NRXN2: variants seen among roughly 807,000 people sequenced by gnomAD.
NRXN2 encodes neurexin-2-beta.
A neutral mutation model predicts 128.8 loss-of-function variants in NRXN2; 29 were observed. The ratio of observed to expected loss-of-function variants is 0.23; its 90% CI spans 0.17 to 0.31. The LOEUF is 0.31. NRXN2 is among the 10% of genes least tolerant of loss of function. NRXN2 has a pLI of 1.00. For synonymous variants in NRXN2, 1,098 were observed against 1,075.2 expected, an observed-to-expected ratio of 1.02 and a Z score of -0.41; for missense variants, 1,881 against 2,452.6, an observed-to-expected ratio of 0.77 and a Z score of 4.92.
At chr11:64,612,402 G>A (rs1186553536) in intron 22 of NRXN2, among the ~76,000 whole-genome samples, 1 of 152,190 alleles carries the variant, frequency 6.6e-6, no homozygotes, top group South Asian at 2.1e-4. Flanking sequence ...CCCAACTTCA[G>A]GCAGCTGCAG....
At chr11:64,653,653 C>T in intron 12 of NRXN2, 43 bp downstream of exon 12, 1 of 1,573,548 alleles carries the variant, frequency 6.4e-7, no homozygotes, top group Non-Finnish European at 8.6e-7. Context: ...TCCAGCATCC[C>T]AGTCCCCTTG....
At chr11:64,715,839 A>C (rs1455202242) in intron 1 of NRXN2, among the ~76,000 whole-genome samples, 1 of 152,176 alleles carries the variant, frequency 6.6e-6, no homozygotes, top group Non-Finnish European at 1.5e-5. Context: ...GCCTCTCCTC[A>C]TTGGGTAATG....
chr11:64,688,055 G>A (rs1419070384), intron 5 of NRXN2, among the ~76,000 whole-genome samples: 2 of 152,216 alleles, frequency 1.3e-5, no homozygotes, highest in East Asian at 1.9e-4. Flanking sequence ...TATCATTAAA[G>A]AGAGTCAAAC....
intron 2 of NRXN2, among the ~76,000 whole-genome samples, chr11:64,705,111 A>G (rs1805450488): frequency 1.3e-5 from 2 of 152,192 alleles, no homozygotes; most frequent in African/African-American, 4.8e-5. Flanking sequence ...CTCAGCACAC[A>G]CTAGCTTAAG....
chr11:64,718,270 CCT>C (rs1055134334), intron 1 of NRXN2, among the ~76,000 whole-genome samples: 1 of 152,144 alleles, frequency 6.6e-6, no homozygotes, highest in African/African-American at 2.4e-5. Flanking sequence ...CACACAGCCC[CCT>C]CTCTGTCAAT....
At chr11:64,621,319 C>T (rs1249585503) in intron 21 of NRXN2, among the ~76,000 whole-genome samples, 1 of 152,196 alleles carries the variant, frequency 6.6e-6, no homozygotes, top group East Asian at 1.9e-4. Context: ...GATGATCTGC[C>T]CATCACCCTC....
chr11:64,655,055 C>T (rs924057253), intron 11 of NRXN2, among the ~76,000 whole-genome samples: 2 of 152,224 alleles, frequency 1.3e-5, no homozygotes, highest in African/African-American at 4.8e-5. Flanking sequence ...TGTCGCTCCA[C>T]CCCAAATAGG....
chr11:64,666,466 T>G (rs1300673185), intron 9 of NRXN2, among the ~76,000 whole-genome samples: 1 of 152,104 alleles, frequency 6.6e-6, no homozygotes, highest in Non-Finnish European at 1.5e-5. Context: ...CCTCCCAAAG[T>G]GCTGGAATTA....
intron 6 of NRXN2, among the ~76,000 whole-genome samples, chr11:64,679,411 G>A (rs1297603728): frequency 6.6e-6 from 1 of 152,174 alleles, no homozygotes; most frequent in Non-Finnish European, 1.5e-5. Context: ...GCCGAGGCAG[G>A]CGGATCATGA....
Position 64,714,779 on chromosome 11 carries a change from C to T in NRXN2, c.-244-836G>A, listed in dbSNP as rs1330705424. Among the ~76,000 whole-genome samples, 3 of 152,054 alleles carry T rather than the reference C, an allele frequency of 2.0e-5. No homozygotes were observed. Among genetic ancestry groups the T allele is most frequent in the African/African-American group, 7.3e-5 (3 of 41,376 alleles). On this transcript the variant is annotated intron_variant, in intron 1 of 22. Coordinates refer to ENST00000265459, the MANE Select transcript of NRXN2 (RefSeq NM_015080.4). This position sits in a 1 kb window ranked among gnomAD's most constrained non-coding sequence, Gnocchi z 4.5. ...CAAGATTGGGGGAGCCACCAGGAGG[C>T]AGGCAGGCTCATTTGCATAAAATTG...
intron 9 of NRXN2, 115 bp from the exon 10 acceptor site, chr11:64,661,254 C>T: frequency 1.9e-6 from 3 of 1,566,146 alleles, no homozygotes. Context: ...TGCCCTGCAG[C>T]AGGCTCAGGA....
chr11:64,645,267 G>A (rs193035719), intron 17 of NRXN2, among the ~76,000 whole-genome samples: 102 of 152,210 alleles, frequency 6.7e-4, no homozygotes, highest in African/African-American at 2.4e-3. Flanking sequence ...AGGAAAGGAA[G>A]GGAAACCGCC....
rs1313896922 is a variant in NRXN2, at chr11:64,648,096, TGAG to T, written c.3403+120_3403+122del. ...CCCCTGGGACTCTGCAGACAAGGGATGAGAAGGAAGAAGCAGCACAGCTCCTGA... is the reference window on the plus strand; with the variant it reads ...CCCCTGGGACTCTGCAGACAAGGGATAAGGAAGAAGCAGCACAGCTCCTGA... On this transcript the variant is annotated intron_variant, in intron 17 of 22. Transcript: ENST00000265459. This position sits in a 1 kb window ranked among gnomAD's most constrained non-coding sequence, Gnocchi z 4.1. 7.5e-5 allele frequency: 104 copies of T among 1,378,696 alleles called. No homozygotes were observed. The highest frequency in any genetic ancestry group is 9.9e-5 in the Non-Finnish European group (97 of 982,176). The allele number at this position is 1,378,696 out of a possible 1,614,324, so 85.4% of individuals were successfully genotyped here. A position where few individuals can be genotyped will look rare whatever the true frequency, so the allele number is the denominator to read the frequency against.
intron 7 of NRXN2, among the ~76,000 whole-genome samples, chr11:64,672,570 G>A (rs1198004507): frequency 2.6e-5 from 4 of 152,080 alleles, no homozygotes; most frequent in Admixed American, 1.3e-4. Flanking sequence ...AACTGCCTCC[G>A]TGGGTTTTTT....
At chr11:64,679,173 T>C (rs1182189305) in intron 6 of NRXN2, among the ~76,000 whole-genome samples, 1 of 152,142 alleles carries the variant, frequency 6.6e-6, no homozygotes, top group African/African-American at 2.4e-5. Flanking sequence ...GTAAGTGTTG[T>C]CTGGTATCAC....
chr11:64,617,652 G>A (rs559834955), intron 22 of NRXN2, among the ~76,000 whole-genome samples: 3 of 152,290 alleles, frequency 2.0e-5, no homozygotes, highest in East Asian at 1.9e-4. Context: ...GGTCTCCAGC[G>A]AGGCTGCCCC....
At position 64,635,718 on chromosome 11, in the gene NRXN2, G is replaced by A. The variant is rs1442615560; in HGVS notation, c.3404-266C>T. ...ATTACAGCAAAATAGAGAGGTAATA[G>A]AGTGACACAGAGAGAGAGCCCAGAG... On this transcript the variant is annotated intron_variant, in intron 17 of 22. Transcript: ENST00000265459. The surrounding 1 kb of genome is among the most constrained non-coding windows in gnomAD (Gnocchi z 4.8). 5.9e-5 allele frequency among the ~76,000 whole-genome samples: 9 copies of A among 152,182 alleles called. No individual in the cohort carries two copies. Among genetic ancestry groups the A allele is most frequent in the Admixed American group, 5.9e-4 (9 of 15,288 alleles).
intron 2 of NRXN2, among the ~76,000 whole-genome samples, chr11:64,702,065 T>G (rs1457032997): frequency 6.5e-4 from 77 of 117,766 alleles, no homozygotes; most frequent in South Asian, 1.2e-3. Context: ...GCCTCTGCCC[T>G]GCCGCCCCTA....
chr11:64,628,902 T>C (rs1394486178), intron 19 of NRXN2, among the ~76,000 whole-genome samples: 1 of 152,184 alleles, frequency 6.6e-6, no homozygotes, highest in Non-Finnish European at 1.5e-5. Context: ...AGAGCTGTTT[T>C]TTCATGTGTC....
Sources: allele counts gnomAD v4.1 joint callset (sites outside exome capture counted in the v4.1 genomes callset), GRCh38; gene constraint gnomAD v4.1.1; non-coding constraint Gnocchi (gnomAD v3.1); transcripts MANE v1.5; gene names NCBI Gene and HGNC (gene_info 2026-07-23, HGNC 2026-07-21).